Variants in ANKS1B observed in about 807,000 individuals in gnomAD.
ANKS1B encodes the protein ankyrin repeat and sterile alpha motif domain containing 1B.
A neutral mutation model predicts 148.3 loss-of-function variants in ANKS1B; 36 were observed. The ratio of observed to expected loss-of-function variants is 0.24; its 90% CI spans 0.19 to 0.32. The LOEUF is 0.32. ANKS1B is among the 10% of genes least tolerant of loss of function. The pLI is 1.00. For synonymous variants in ANKS1B, 542 were observed against 560.8 expected, an observed-to-expected ratio of 0.97 and a Z score of 0.47; for missense variants, 1,157 against 1,542.6, an observed-to-expected ratio of 0.75 and a Z score of 4.19.
intron 8 of ANKS1B, among the ~76,000 whole-genome samples, chr12:99,690,079 G>A (rs374339784): frequency 8.5e-5 from 13 of 152,066 alleles, no homozygotes; most frequent in African/African-American, 2.4e-4. Flanking sequence ...TTCACAGGGC[G>A]GCAGGACAGA....
chr12:98,799,993 CT>C (rs1180950672), intron 21 of ANKS1B, among the ~76,000 whole-genome samples: 1 of 152,084 alleles, frequency 6.6e-6, no homozygotes, highest in Non-Finnish European at 1.5e-5. Context: ...GGGAACCACT[CT>C]TGTGGACTAG....
chr12:99,705,729 A>G (rs913254634), intron 8 of ANKS1B, among the ~76,000 whole-genome samples: 3 of 152,096 alleles, frequency 2.0e-5, no homozygotes, highest in Non-Finnish European at 4.4e-5. Context: ...AAAATCCCCA[A>G]ATGATGGAGA....
At chr12:99,578,314 C>CACTA (rs2097538149) in intron 9 of ANKS1B, among the ~76,000 whole-genome samples, 2 of 151,430 alleles carry the variant, frequency 1.3e-5, no homozygotes, top group Non-Finnish European at 3.0e-5. Flanking sequence ...ACTGCACACC[C>CACTA]ACTAACCACT....
At chr12:98,942,901 C>T (rs547578517) in intron 17 of ANKS1B, among the ~76,000 whole-genome samples, 13 of 152,276 alleles carry the variant, frequency 8.5e-5, no homozygotes, top group African/African-American at 1.2e-4. Context: ...CTGTCAGAAT[C>T]GTCCTCTTTA....
At chr12:99,242,784 C>A (rs1177523223) in intron 14 of ANKS1B, among the ~76,000 whole-genome samples, 1 of 152,242 alleles carries the variant, frequency 6.6e-6, no homozygotes, top group East Asian at 1.9e-4. Flanking sequence ...CAAAAACAAG[C>A]AATGGGGAAA....
At chr12:99,062,905 T>C (rs79726059) in intron 16 of ANKS1B, among the ~76,000 whole-genome samples, 2,449 of 152,246 alleles carry the variant, frequency 0.016, 62 homozygotes, top group African/African-American at 0.056. Context: ...TGGAGCTAAC[T>C]TCAGGGTGAA....
intron 9 of ANKS1B, among the ~76,000 whole-genome samples, chr12:99,614,892 G>GGA (rs1555512016): frequency 4.0e-5 from 6 of 148,842 alleles, no homozygotes; most frequent in Admixed American, 1.3e-4. Flanking sequence ...TCTTCCTCAG[G>GGA]AAAAAAAAAA....
intron 9 of ANKS1B, among the ~76,000 whole-genome samples, chr12:99,512,220 G>C (rs2096773920): frequency 6.6e-6 from 1 of 151,292 alleles, no homozygotes; most frequent in East Asian, 2.0e-4. Context: ...TAAGAAAAAA[G>C]CAATTCCATT....
At chr12:99,495,282 T>C (rs974703029) in intron 10 of ANKS1B, among the ~76,000 whole-genome samples, 39 of 152,062 alleles carry the variant, frequency 2.6e-4, no homozygotes, top group African/African-American at 8.7e-4. Context: ...GAAATCTTAC[T>C]AGTCTACAAT....
At chr12:99,326,641 G>A (rs150627892) in intron 12 of ANKS1B, among the ~76,000 whole-genome samples, 314 of 152,040 alleles carry the variant, frequency 2.1e-3, no homozygotes, top group South Asian at 3.7e-3. Flanking sequence ...ATATTGTTAC[G>A]TAAAAAGTGC....
At chr12:99,253,203 G>A (rs2074843625) in intron 12 of ANKS1B, among the ~76,000 whole-genome samples, 1 of 151,818 alleles carries the variant, frequency 6.6e-6, no homozygotes, top group Non-Finnish European at 1.5e-5. Flanking sequence ...CTTAGTCTGG[G>A]CAACAGAGTG....
chr12:99,459,615 G>A (rs1463319390), intron 10 of ANKS1B, among the ~76,000 whole-genome samples: 1 of 151,492 alleles, frequency 6.6e-6, no homozygotes, highest in Non-Finnish European at 1.5e-5. Flanking sequence ...TACACCAACA[G>A]TTTTCAAGCT....
intron 17 of ANKS1B, among the ~76,000 whole-genome samples, chr12:98,888,218 T>G (rs1462226727): frequency 1.3e-5 from 2 of 152,242 alleles, no homozygotes; most frequent in Non-Finnish European, 1.5e-5. Context: ...AGATATTATT[T>G]TGGATGGTGA....
intron 14 of ANKS1B, among the ~76,000 whole-genome samples, chr12:99,215,907 G>A (rs1182066840): frequency 1.3e-5 from 2 of 152,156 alleles, no homozygotes; most frequent in East Asian, 3.9e-4. Flanking sequence ...GTTATGAAAT[G>A]TGAGGACAAG....
intron 8 of ANKS1B, among the ~76,000 whole-genome samples, chr12:99,717,613 GCTCT>G (rs1185056181): frequency 1.3e-5 from 2 of 152,164 alleles, no homozygotes; most frequent in South Asian, 4.1e-4. Flanking sequence ...CTGGCCCAAG[GCTCT>G]CTGACTGACT....
chr12:98,967,731 A>G (rs1304377222), intron 17 of ANKS1B, among the ~76,000 whole-genome samples: 5 of 144,340 alleles, frequency 3.5e-5, no homozygotes, highest in Middle Eastern at 3.6e-3. Context: ...AAAAAGGTAG[A>G]TTTTGGAGAC....
rs1418814143 is a variant in ANKS1B at position 99,578,457 on chromosome 12, CCA to C, written c.1273-73818_1273-73817del. ...ATTATGATTCTACACTTAGAAAACC[CCA>C]CAGTCTCTGCCCAAAAGCTCCTAGA... On this transcript the variant is annotated intron_variant, in intron 9 of 26. Coordinates refer to ENST00000683438, the MANE Select transcript of ANKS1B (RefSeq NM_001352186.2). Among the ~76,000 whole-genome samples, 5 of 152,170 alleles carry C rather than the reference CCA, an allele frequency of 3.3e-5. No individual in the cohort carries two copies. In the South Asian group the frequency reaches 6.2e-4, roughly 19 times the overall value.
At chr12:99,312,598 T>C (rs1399793519) in intron 12 of ANKS1B, among the ~76,000 whole-genome samples, 1 of 152,130 alleles carries the variant, frequency 6.6e-6, no homozygotes, top group Non-Finnish European at 1.5e-5. Flanking sequence ...TGTATTAGCA[T>C]TGAGTTAACT....
chr12:99,404,951 A>C (rs1336162432), intron 11 of ANKS1B, among the ~76,000 whole-genome samples: 1 of 146,424 alleles, frequency 6.8e-6, no homozygotes, highest in Non-Finnish European at 1.5e-5. Context: ...TATGCTTGGC[A>C]GCAGATTTCT....
Sources: gnomAD v4.1 joint callset for allele counts (sites outside exome capture counted in the v4.1 genomes callset) on GRCh38, gnomAD v4.1.1 for gene constraint, MANE v1.5 for transcripts, NCBI Gene and HGNC (gene_info 2026-07-23, HGNC 2026-07-21) for gene names.